ARNT2: variants seen among roughly 807,000 people sequenced by gnomAD.
The protein encoded by ARNT2 is ARNT protein 2.
ARNT2 carries 36 observed loss-of-function variants against 91.7 expected under a neutral mutation model. The ratio of observed to expected loss-of-function variants is 0.39; its 90% CI spans 0.30 to 0.52. The LOEUF (loss-of-function observed/expected upper bound fraction) is 0.52, where lower values mean the gene tolerates loss of function less well. Ranked by LOEUF, ARNT2 falls within the 20% of genes least tolerant of loss-of-function variation. The pLI is 0.72. For missense variants in ARNT2, 775 were observed against 939.3 expected, an observed-to-expected ratio of 0.83 and a Z score of 2.29; for synonymous variants, 365 against 347.1, an observed-to-expected ratio of 1.05 and a Z score of -0.57.
At chr15:80,581,661 T>C (rs902871544) in intron 17 of ARNT2, among the ~76,000 whole-genome samples, 3 of 152,224 alleles carry the variant, frequency 2.0e-5, no homozygotes, top group Admixed American at 6.5e-5. Flanking sequence ...TGAGGTGATC[T>C]GAATACCATT....
chr15:80,467,704 C>T (rs936789534), intron 3 of ARNT2, among the ~76,000 whole-genome samples: 1 of 152,194 alleles, frequency 6.6e-6, no homozygotes, highest in African/African-American at 2.4e-5. Context: ...TGTGTTCCGT[C>T]CACCCCATCG....
Position 80,430,563 on chromosome 15 carries a change from A to G in ARNT2, c.32-20317A>G, listed in dbSNP as rs191568687. Among the ~76,000 whole-genome samples, 251 of 152,322 alleles carry G rather than the reference A, an allele frequency of 1.6e-3. 1 individual carries two copies. Among genetic ancestry groups the G allele is most frequent in the African/African-American group, 5.6e-3 (233 of 41,584 alleles). On this transcript the variant is annotated intron_variant, in intron 1 of 18. Transcript: ENST00000303329. ...AAGCTACTGTAGATGCTGACTGTCC[A>G]GTCTCAACGGGAGCTGCAAATAGCC...
chr15:80,514,265 C>T (rs950959047), intron 7 of ARNT2, 55 bp from the exon 8 acceptor site: 1 of 1,577,304 alleles, frequency 6.3e-7, no homozygotes, highest in African/African-American at 1.3e-5. Context: ...GAGTCATCAA[C>T]ATCCTTGCCT....
At chr15:80,448,487 A>C (rs1459141847) in intron 1 of ARNT2, among the ~76,000 whole-genome samples, 1 of 152,216 alleles carries the variant, frequency 6.6e-6, no homozygotes, top group East Asian at 1.9e-4. Context: ...CCTTTGCCCC[A>C]CCAGCCAAGG....
chr15:80,452,093 G>A (rs1032025377), intron 2 of ARNT2, among the ~76,000 whole-genome samples: 1 of 152,190 alleles, frequency 6.6e-6, no homozygotes. Flanking sequence ...ATCTGGGATG[G>A]AGTGTGGCTA....
At position 80,597,594 on chromosome 15, in the gene ARNT2, A is replaced by G. The variant is rs1208539557; in HGVS notation, c.*3896A>G. 5.0e-6 allele frequency: 1 copy of G among 199,994 alleles called. No individual in the cohort carries two copies. The highest frequency in any genetic ancestry group is 5.5e-5 in the Admixed American group (1 of 18,228). 12.4% of individuals were successfully genotyped at this position (199,994 alleles called of 1,614,324 possible). A position where few individuals can be genotyped will look rare whatever the true frequency, so the allele number is the denominator to read the frequency against. On this transcript the variant is annotated 3_prime_UTR_variant, in exon 19 of 19. Coordinates refer to ENST00000303329, the MANE Select transcript of ARNT2 (RefSeq NM_014862.4). The stretch of plus-strand genomic sequence containing the variant: ...GTGGCCAAAGCTAGTGTTATGGTCA[A>G]CAACAGGCCAGGGTCTGTGGGGCAC...
intron 1 of ARNT2, among the ~76,000 whole-genome samples, chr15:80,443,476 G>A (rs1390180186): frequency 1.3e-5 from 2 of 152,250 alleles, no homozygotes; most frequent in East Asian, 3.9e-4. Context: ...AGGCAGGCCA[G>A]CAGCAGAGCC....
At chr15:80,481,124 A>G (rs74027992) in intron 5 of ARNT2, among the ~76,000 whole-genome samples, 1,911 of 152,298 alleles carry the variant, frequency 0.013, 46 homozygotes, top group African/African-American at 0.042. Context: ...ACATGTCCCA[A>G]TCAGCTGTGA....
intron 6 of ARNT2, among the ~76,000 whole-genome samples, chr15:80,511,572 G>T (rs1897342849): frequency 6.6e-6 from 1 of 152,138 alleles, no homozygotes; most frequent in Non-Finnish European, 1.5e-5. Context: ...TGAGCAGACA[G>T]TTGGACATGT....
intron 10 of ARNT2, 128 bp from the exon 11 acceptor site, chr15:80,554,937 A>C: frequency 1.0e-6 from 1 of 968,050 alleles, no homozygotes; most frequent in South Asian, 1.9e-5. Flanking sequence ...TTTTTCAAAA[A>C]ATCTGGGGTG....
At chr15:80,528,366 T>C (rs1236301935) in intron 8 of ARNT2, among the ~76,000 whole-genome samples, 2 of 148,882 alleles carry the variant, frequency 1.3e-5, no homozygotes, top group East Asian at 2.0e-4. Flanking sequence ...ATTTGACCAT[T>C]TATCTATCTA....
At chr15:80,515,626 G>A (rs184007208) in intron 8 of ARNT2, among the ~76,000 whole-genome samples, 1 of 151,920 alleles carries the variant, frequency 6.6e-6, no homozygotes, top group Non-Finnish European at 1.5e-5. Context: ...GTTTCTTTTG[G>A]GGGTGACAGA....
Position 80,457,746 on chromosome 15 carries a change from T to G in ARNT2, c.147-183T>G, listed in dbSNP as rs1034538735. Among the ~76,000 whole-genome samples, 7 of 152,386 alleles carry G rather than the reference T, an allele frequency of 4.6e-5. 1 individual carries two copies. On this transcript the variant is annotated intron_variant, in intron 2 of 18. Coordinates refer to ENST00000303329, the MANE Select transcript of ARNT2 (RefSeq NM_014862.4). ...TGCTTAGACTGAAGACCTTTCATTTTGCCTCTTCTTGTCTTGAACCCGTTT... is the reference window on the plus strand; with the variant it reads ...TGCTTAGACTGAAGACCTTTCATTTGGCCTCTTCTTGTCTTGAACCCGTTT...
intron 11 of ARNT2, among the ~76,000 whole-genome samples, chr15:80,562,149 A>G (rs1009209530): frequency 6.6e-6 from 1 of 150,688 alleles, no homozygotes; most frequent in African/African-American, 2.4e-5. Context: ...ATGTCTGCTC[A>G]CTGTAACCTC....
At chr15:80,509,839 C>T (rs1389559250) in intron 6 of ARNT2, among the ~76,000 whole-genome samples, 1 of 152,112 alleles carries the variant, frequency 6.6e-6, no homozygotes, top group East Asian at 1.9e-4. Flanking sequence ...AGGTCCTTGT[C>T]TCAGAAGCAG....
chr15:80,577,735 C>A lies in ARNT2; in HGVS notation c.1613+770C>A, dbSNP rs1394584390. On this transcript the variant is annotated intron_variant, in intron 15 of 18. Coordinates refer to ENST00000303329, the MANE Select transcript of ARNT2 (RefSeq NM_014862.4). ...GTGGGGCCGGCCACCCAGAGAGAGG[C>A]CCCTGCCACGGGACTGCCCTAGCCA... is the stretch of plus-strand genomic sequence containing the variant. Among the ~76,000 whole-genome samples, 4 of 152,232 alleles carry A rather than the reference C, an allele frequency of 2.6e-5. No individual in the cohort carries two copies. In the East Asian group the frequency reaches 5.8e-4, roughly 22 times the overall value.
intron 8 of ARNT2, among the ~76,000 whole-genome samples, chr15:80,524,355 A>G (rs910112307): frequency 2.0e-5 from 3 of 152,226 alleles, no homozygotes; most frequent in Non-Finnish European, 2.9e-5. Flanking sequence ...TGTATTAAAT[A>G]TCTTAAAATG....
chr15:80,516,704 A>G (rs1897438789), intron 8 of ARNT2, among the ~76,000 whole-genome samples: 1 of 151,440 alleles, frequency 6.6e-6, no homozygotes, highest in South Asian at 2.1e-4. Flanking sequence ...CATGTTTTCT[A>G]TTCATTGCAC....
intron 1 of ARNT2, among the ~76,000 whole-genome samples, chr15:80,440,798 G>A (rs1188593692): frequency 6.6e-6 from 1 of 152,216 alleles, no homozygotes; most frequent in Non-Finnish European, 1.5e-5. Context: ...CTTCTCTATT[G>A]CAGAGACCTT....
Sources: gnomAD v4.1 joint callset for allele counts (sites outside exome capture counted in the v4.1 genomes callset) on GRCh38, gnomAD v4.1.1 for gene constraint, MANE v1.5 for transcripts, NCBI Gene and HGNC (gene_info 2026-07-23, HGNC 2026-07-21) for gene names.